Variants in GXYLT2 observed in about 807,000 individuals in gnomAD.
The protein encoded by GXYLT2 is glycosyltransferase 8 domain containing 4.
In GXYLT2, 53 loss-of-function variants were observed where a neutral mutation model predicts 45.8. The ratio of observed to expected loss-of-function variants is 1.16; its 90% CI spans 0.93 to 1.46. The LOEUF is 1.46. Among genes scored for constraint, GXYLT2 ranks in the 40% most tolerant of loss-of-function variants. GXYLT2 has a pLI of 0.00. For synonymous variants in GXYLT2, 219 were observed against 214.2 expected (o/e 1.02, Z -0.19); for missense variants, 551 against 544.4 (o/e 1.01, Z -0.12).
At chr3:72,946,457 G>C (rs1710408466) in intron 3 of GXYLT2, among the ~76,000 whole-genome samples, 1 of 152,018 alleles carries the variant, frequency 6.6e-6, no homozygotes, top group East Asian at 1.9e-4. Flanking sequence ...CCATAAGTTA[G>C]GTAGCTTATA....
At chr3:72,961,659 CAAAAA>C (rs771569626) in intron 5 of GXYLT2, among the ~76,000 whole-genome samples, 1 of 94,798 alleles carries the variant, frequency 1.1e-5, no homozygotes, top group Admixed American at 1.3e-4. Context: ...GAATTCTTAG[CAAAAA>C]AAAAAAAAAA....
At chr3:72,949,012 C>T (rs1270123814) in intron 3 of GXYLT2, among the ~76,000 whole-genome samples, 1 of 152,014 alleles carries the variant, frequency 6.6e-6, no homozygotes, top group African/African-American at 2.4e-5. Flanking sequence ...CAGACTCAGA[C>T]ATTTTGGAGG....
chr3:72,908,819 C>T (rs113964966), intron 2 of GXYLT2, among the ~76,000 whole-genome samples: 1 of 152,078 alleles, frequency 6.6e-6, no homozygotes, highest in African/African-American at 2.4e-5. Flanking sequence ...CTCACTGCAG[C>T]CTCAACCTTC....
chr3:72,947,172 C>G (rs530830298), intron 3 of GXYLT2, among the ~76,000 whole-genome samples: 1 of 152,202 alleles, frequency 6.6e-6, no homozygotes, highest in South Asian at 2.1e-4. Flanking sequence ...TTCTTTCTGA[C>G]AGAGGGGACT....
At chr3:72,899,437 C>G (rs1709359150) in intron 1 of GXYLT2, among the ~76,000 whole-genome samples, 1 of 152,188 alleles carries the variant, frequency 6.6e-6, no homozygotes, top group African/African-American at 2.4e-5. Flanking sequence ...GCCAGCTCTT[C>G]TATCTTGAAA....
chr3:72,920,565 T>G (rs1709813806), intron 2 of GXYLT2, among the ~76,000 whole-genome samples: 1 of 152,078 alleles, frequency 6.6e-6, no homozygotes, highest in South Asian at 2.1e-4. Context: ...CACCAACACC[T>G]GGCTGACTTT....
intron 6 of GXYLT2, 32 bp from the exon 7 acceptor site, chr3:72,974,945 A>G (rs760623283): frequency 1.4e-6 from 2 of 1,480,388 alleles, no homozygotes; most frequent in East Asian, 4.7e-5. Context: ...CATTTCCGTT[A>G]CTAAATAAAC....
Position 72,905,244 on chromosome 3 carries a change from A to G in GXYLT2, c.276-3123A>G, listed in dbSNP as rs1184937437. 3.3e-5 allele frequency among the ~76,000 whole-genome samples: 5 copies of G among 151,960 alleles called. No homozygotes were observed. The East Asian group carries it at 9.7e-4, about 30-fold the overall frequency. On this transcript the variant is annotated intron_variant, in intron 1 of 6. Transcript: ENST00000389617. The stretch of plus-strand genomic sequence containing the variant: ...GCAATTCTCCTGCCTCAGCCTCCCA[A>G]GTAGCTGGGATTACAGGCACACGCC...
intron 5 of GXYLT2, among the ~76,000 whole-genome samples, chr3:72,959,676 C>T (rs1710731976): frequency 6.6e-6 from 1 of 151,960 alleles, no homozygotes; most frequent in Non-Finnish European, 1.5e-5. Flanking sequence ...GCTCTGTCAC[C>T]CAGGCTGGAG....
chr3:72,941,001 A>G (rs148114867), intron 3 of GXYLT2, among the ~76,000 whole-genome samples: 100 of 152,314 alleles, frequency 6.6e-4, no homozygotes, highest in African/African-American at 2.3e-3. Flanking sequence ...ATAGTAAACC[A>G]GTAAGAAAGA....
At chr3:72,965,184 T>G (rs369407223) in intron 5 of GXYLT2, among the ~76,000 whole-genome samples, 3 of 152,216 alleles carry the variant, frequency 2.0e-5, no homozygotes, top group African/African-American at 4.8e-5. Flanking sequence ...CAGTGTGTTA[T>G]GAGCAATTAG....
intron 5 of GXYLT2, among the ~76,000 whole-genome samples, chr3:72,957,810 T>C (rs1710678817): frequency 6.6e-6 from 1 of 152,308 alleles, no homozygotes; most frequent in East Asian, 1.9e-4. Context: ...AAATCCGTTT[T>C]GCTTTTCATC....
chr3:72,970,273 C>A lies in GXYLT2; in HGVS notation c.1149+2554C>A, dbSNP rs913409684. 5.3e-5 allele frequency among the ~76,000 whole-genome samples: 8 copies of A among 151,816 alleles called. No homozygotes were observed. The East Asian group carries it at 9.7e-4, about 18-fold the overall frequency. On this transcript the variant is annotated intron_variant, in intron 6 of 6. Transcript: ENST00000389617. ...GGCTGAGACAGGTGAATTGCTTGAACCTGGGAGGCAGAGGTTGCAGTGAGT... is the reference window on the plus strand; with the variant it reads ...GGCTGAGACAGGTGAATTGCTTGAAACTGGGAGGCAGAGGTTGCAGTGAGT...
In GXYLT2 at chr3:72,903,782, C is replaced by T. The variant is rs113477537; in HGVS notation, c.276-4585C>T. On this transcript the variant is annotated intron_variant, in intron 1 of 6. Transcript: ENST00000389617. ...AAAGGATAAATCAGGTGAATATGAG[C>T]GAGGCAGGAAGAGTCAAAGTTGATT... is the stretch of plus-strand genomic sequence containing the variant. Among the ~76,000 whole-genome samples the T allele has an allele frequency of 6.6e-5, 10 of 152,094 alleles. No individual in the cohort carries two copies. In the South Asian group the frequency reaches 1.0e-3, roughly 16 times the overall value.
At chr3:72,926,458 A>G (rs1272030188) in intron 3 of GXYLT2, among the ~76,000 whole-genome samples, 1 of 152,214 alleles carries the variant, frequency 6.6e-6, no homozygotes, top group Non-Finnish European at 1.5e-5. Context: ...GTAATTCAGA[A>G]GCTTAAAATA....
intron 1 of GXYLT2, among the ~76,000 whole-genome samples, chr3:72,894,633 CAG>C (rs1364643071): frequency 6.6e-6 from 1 of 152,222 alleles, no homozygotes; most frequent in Non-Finnish European, 1.5e-5. Context: ...GTGGCCAACC[CAG>C]AGAGTCAGTC....
At chr3:72,964,303 G>A (rs932289056) in intron 5 of GXYLT2, among the ~76,000 whole-genome samples, 8 of 151,968 alleles carry the variant, frequency 5.3e-5, no homozygotes, top group African/African-American at 1.9e-4. Context: ...TGCAAAGAGA[G>A]AAAAGGTTTC....
rs767379965 is a variant in GXYLT2 at position 72,967,597 on chromosome 3, A to G, written c.1027A>G (p.Met343Val). The change falls in exon 6 of 7, where the codon ATG (methionine) becomes GTG (valine). Residue 343 changes from methionine to valine, a missense_variant. Transcript: ENST00000389617. ...GTGGAACTACCGTCCCGATCACTGC[A>G]TGTACGGAAGCAACTGCAGAGAGGC... Reference protein sequence around the residue: ...CQWNYRPDHCMYGSNCREAEH... With the variant: ...CQWNYRPDHCVYGSNCREAEH... 6.2e-7 allele frequency: 1 copy of G among 1,613,920 alleles called. No homozygotes were observed. The highest frequency in any genetic ancestry group is 1.1e-5 in the South Asian group (1 of 91,072).
chr3:72,932,975 T>A (rs1710069398), intron 3 of GXYLT2, among the ~76,000 whole-genome samples: 1 of 152,218 alleles, frequency 6.6e-6, no homozygotes, highest in African/African-American at 2.4e-5. Context: ...TTTCCTTGCC[T>A]CCATTTACTC....
Sources: gnomAD v4.1 joint callset for allele counts (sites outside exome capture counted in the v4.1 genomes callset) on GRCh38, gnomAD v4.1.1 for gene constraint, MANE v1.5 for transcripts, NCBI Gene and HGNC (gene_info 2026-07-23, HGNC 2026-07-21) for gene names.